Variants in KIAA1217 observed in about 807,000 individuals in gnomAD.
KIAA1217 encodes the protein sickle tail protein homolog.
A neutral mutation model predicts 163.9 loss-of-function variants in KIAA1217; 88 were observed. The observed-to-expected ratio is 0.54, with a 90% CI of 0.45 to 0.64. KIAA1217 has a LOEUF of 0.64. Among genes scored for constraint, KIAA1217 ranks in the 30% least tolerant of loss-of-function variants. The probability of loss-of-function intolerance (pLI) is 0.00; values close to 1 mark genes in which losing one functional copy is unlikely to be tolerated. For missense variants in KIAA1217, 2,372 were observed against 2,475.0 expected (o/e 0.96, Z 0.88); for synonymous variants, 903 against 923.1 (o/e 0.98, Z 0.39).
chr10:24,330,369 TG>T (rs2045517729), intron 2 of KIAA1217, among the ~76,000 whole-genome samples: 1 of 152,064 alleles, frequency 6.6e-6, no homozygotes, highest in Non-Finnish European at 1.5e-5. Flanking sequence ...GGACATTTTT[TG>T]TTTGTTTGTT....
chr10:24,162,627 A>C (rs978204024), intron 2 of KIAA1217, among the ~76,000 whole-genome samples: 24 of 152,342 alleles, frequency 1.6e-4, no homozygotes, highest in Admixed American at 3.3e-4. Flanking sequence ...TGTTCTGCAC[A>C]AAAAATTGCC....
chr10:24,347,447 C>T (rs575760997), intron 2 of KIAA1217, among the ~76,000 whole-genome samples: 2 of 152,028 alleles, frequency 1.3e-5, no homozygotes, highest in Non-Finnish European at 2.9e-5. Flanking sequence ...TTACATTTCT[C>T]AGAGAAAAAA....
chr10:24,165,030 GCAAA>G (rs1589739417), intron 2 of KIAA1217, among the ~76,000 whole-genome samples: 1 of 152,200 alleles, frequency 6.6e-6, no homozygotes, highest in African/African-American at 2.4e-5. Context: ...TGCTTAGGGA[GCAAA>G]CAAACAGTTC....
chr10:24,350,687 A>G (rs1320692853), intron 2 of KIAA1217, among the ~76,000 whole-genome samples: 1 of 152,138 alleles, frequency 6.6e-6, no homozygotes, highest in Non-Finnish European at 1.5e-5. Flanking sequence ...ATTGACTTTG[A>G]AACAGGATAT....
rs761339668 is a variant in KIAA1217 at position 23,902,574 on chromosome 10, C to T, written c.-320-104651C>T. Among the ~76,000 whole-genome samples, 17 of 152,200 alleles carry T rather than the reference C, an allele frequency of 1.1e-4. No individual in the cohort carries two copies. In the Middle Eastern group the frequency reaches 0.01, roughly 91 times the overall value. On this transcript the variant is annotated intron_variant, in intron 1 of 18. Coordinates refer to the KIAA1217 transcript ENST00000376462. ...GTAGATGCCATGCTGAGCTCCAGAACCAATTCATAGCAGTACTTTAGTCAC... is the reference window on the plus strand; with the variant it reads ...GTAGATGCCATGCTGAGCTCCAGAATCAATTCATAGCAGTACTTTAGTCAC...
intron 1 of KIAA1217, among the ~76,000 whole-genome samples, chr10:24,214,609 T>A (rs565103863): frequency 3.3e-5 from 5 of 152,292 alleles, no homozygotes; most frequent in African/African-American, 1.2e-4. Flanking sequence ...TTCCTCTGTG[T>A]GCAGCAGAAG....
intron 1 of KIAA1217, among the ~76,000 whole-genome samples, chr10:23,852,923 T>C (rs907898542): frequency 1.3e-5 from 2 of 152,172 alleles, no homozygotes; most frequent in African/African-American, 4.8e-5. Context: ...GCTGAGACAA[T>C]GGGGTTTTCT....
At chr10:24,012,766 G>C (rs569726821) in intron 2 of KIAA1217, among the ~76,000 whole-genome samples, 1 of 152,262 alleles carries the variant, frequency 6.6e-6, no homozygotes, top group Non-Finnish European at 1.5e-5. Flanking sequence ...AGTCAAGGTT[G>C]TTTCTTAACA....
rs199900874 is a variant in KIAA1217 at position 24,022,207 on chromosome 10, T to TA, written c.-171+14841dup. On this transcript the variant is annotated intron_variant, in intron 2 of 18. Transcript: ENST00000376462. Reference sequence around the variant, plus strand: ...ATATTTGCAAAACACATATCTGATTTAAAAAAAACTTGCATGCAAAATATA... The same window carrying TA: ...ATATTTGCAAAACACATATCTGATTTAAAAAAAAACTTGCATGCAAAATATA... 5.2e-3 allele frequency among the ~76,000 whole-genome samples: 782 copies of TA among 151,252 alleles called. 11 individuals carry two copies. The highest frequency in any genetic ancestry group is 0.018 in the African/African-American group (734 of 41,348).
At chr10:23,820,252 C>T (rs924346086) in intron 1 of KIAA1217, among the ~76,000 whole-genome samples, 1 of 152,214 alleles carries the variant, frequency 6.6e-6, no homozygotes, top group Non-Finnish European at 1.5e-5. Context: ...TATCCCTTAT[C>T]TCACAGAGCT....
chr10:24,331,402 A>G (rs911001722), intron 2 of KIAA1217, among the ~76,000 whole-genome samples: 2 of 152,266 alleles, frequency 1.3e-5, no homozygotes, highest in African/African-American at 4.8e-5. Flanking sequence ...AGCATTAATG[A>G]AGTTGAATGT....
intron 2 of KIAA1217, among the ~76,000 whole-genome samples, chr10:24,123,849 A>G (rs1014977361): frequency 6.6e-6 from 1 of 152,196 alleles, no homozygotes; most frequent in Non-Finnish European, 1.5e-5. Flanking sequence ...TCTTAGATGT[A>G]AGGACTTTCT....
intron 1 of KIAA1217, among the ~76,000 whole-genome samples, chr10:23,745,883 CAAAT>C (rs972113582): frequency 2.6e-5 from 4 of 152,172 alleles, no homozygotes; most frequent in Non-Finnish European, 5.9e-5. Flanking sequence ...TGTCTGCAAA[CAAAT>C]AAAGAGAAGG....
intron 1 of KIAA1217, among the ~76,000 whole-genome samples, chr10:23,704,166 G>GTATATATATA (rs1174988449): frequency 1.4e-5 from 1 of 71,346 alleles, no homozygotes; most frequent in African/African-American, 8.8e-5. Flanking sequence ...GTGTGTGTGT[G>GTATATATATA]TGTGTGTATA....
At chr10:24,180,659 A>G (rs2066133540) in intron 2 of KIAA1217, among the ~76,000 whole-genome samples, 1 of 152,204 alleles carries the variant, frequency 6.6e-6, no homozygotes, top group Non-Finnish European at 1.5e-5. Flanking sequence ...CCAGACCTCC[A>G]GCTATATCAA....
At chr10:24,113,328 G>A (rs572710557) in intron 2 of KIAA1217, among the ~76,000 whole-genome samples, 42 of 152,232 alleles carry the variant, frequency 2.8e-4, no homozygotes, top group South Asian at 8.3e-4. Flanking sequence ...TCCATTCCTG[G>A]TAAGCAACAG....
intron 2 of KIAA1217, among the ~76,000 whole-genome samples, chr10:24,066,153 G>A (rs796475877): frequency 6.7e-6 from 1 of 149,694 alleles, no homozygotes; most frequent in Non-Finnish European, 1.5e-5. Flanking sequence ...TTTAAGGTTA[G>A]TATTGTTATG....
intron 2 of KIAA1217, among the ~76,000 whole-genome samples, chr10:24,173,945 G>T (rs2065750407): frequency 1.3e-5 from 2 of 152,188 alleles, no homozygotes; most frequent in Non-Finnish European, 2.9e-5. Flanking sequence ...AGGCATTTCT[G>T]AATGTCCCAT....
At chr10:23,788,265 T>G (rs905605963) in intron 1 of KIAA1217, among the ~76,000 whole-genome samples, 1 of 152,202 alleles carries the variant, frequency 6.6e-6, no homozygotes, top group African/African-American at 2.4e-5. Context: ...AAGATTCTCT[T>G]CATTTCAATT....
Sources: allele counts gnomAD v4.1 joint callset (sites outside exome capture counted in the v4.1 genomes callset), GRCh38; gene constraint gnomAD v4.1.1; transcripts MANE v1.5; gene names NCBI Gene and HGNC (gene_info 2026-07-23, HGNC 2026-07-21).